CPED1: variants seen among roughly 807,000 people sequenced by gnomAD.
The protein encoded by CPED1 is cadherin-like and PC-esterase domain-containing protein 1.
A neutral mutation model predicts 128.2 loss-of-function variants in CPED1; 114 were observed. The ratio of observed to expected loss-of-function variants is 0.89; its 90% CI spans 0.76 to 1.04. The LOEUF (loss-of-function observed/expected upper bound fraction) is 1.04, where lower values mean the gene tolerates loss of function less well. CPED1 is among the 50% of genes least tolerant of loss of function. The pLI is 0.00. For missense variants in CPED1, 1,211 were observed against 1,207.1 expected (o/e 1.00, Z -0.05); for synonymous variants, 462 against 426.7 (o/e 1.08, Z -1.02).
intron 2 of CPED1, chr7:120,993,824 A>G (rs1053686276): frequency 2.3e-5 from 4 of 173,270 alleles, no homozygotes; most frequent in African/African-American, 9.6e-5. Flanking sequence ...CAAAAGGAGC[A>G]GAAAGAGCAA....
chr7:121,296,989 A>C lies in CPED1; in HGVS notation c.*1337A>C, dbSNP rs1282998355. On this transcript the variant is annotated 3_prime_UTR_variant, in exon 23 of 23. Coordinates refer to ENST00000310396, the MANE Select transcript of CPED1 (RefSeq NM_024913.5). Reference sequence around the variant, plus strand: ...TTTTGTATGAATATCCACCTCCTTTAAATACTCTATTTTTATATATATTTT... The same window carrying C: ...TTTTGTATGAATATCCACCTCCTTTCAATACTCTATTTTTATATATATTTT... The C allele has an allele frequency of 6.6e-6, 1 of 151,968 alleles. No individual in the cohort carries two copies. Among genetic ancestry groups the C allele is most frequent in the Non-Finnish European group, 1.5e-5 (1 of 67,918 alleles). The allele number at this position is 151,968 out of a possible 1,614,324, so 9.4% of individuals were successfully genotyped here. A position where few individuals can be genotyped will look rare whatever the true frequency, so the allele number is the denominator to read the frequency against.
intron 18 of CPED1, among the ~76,000 whole-genome samples, chr7:121,260,546 G>A (rs1791992061): frequency 6.6e-6 from 1 of 151,870 alleles, no homozygotes; most frequent in Admixed American, 6.6e-5. Context: ...TTCGACCTTA[G>A]GGCTCATCAG....
intron 14 of CPED1, among the ~76,000 whole-genome samples, chr7:121,139,259 AT>A (rs1410945381): frequency 1.3e-5 from 2 of 151,992 alleles, no homozygotes; most frequent in African/African-American, 2.4e-5. Context: ...CTAGTAGTTT[AT>A]TTTTTATTAA....
intron 4 of CPED1, among the ~76,000 whole-genome samples, chr7:121,060,280 G>A (rs1793624004): frequency 6.6e-6 from 1 of 152,218 alleles, no homozygotes; most frequent in East Asian, 1.9e-4. Flanking sequence ...CTTGCTCCAC[G>A]GCGCCCAGTC....
At chr7:121,157,793 G>A (rs1020127588) in intron 16 of CPED1, among the ~76,000 whole-genome samples, 1 of 152,100 alleles carries the variant, frequency 6.6e-6, no homozygotes, top group Admixed American at 6.5e-5. Context: ...CACGGTTCTT[G>A]AGTTCCTGAA....
intron 18 of CPED1, among the ~76,000 whole-genome samples, chr7:121,245,223 C>G (rs1798498254): frequency 6.6e-6 from 1 of 152,126 alleles, no homozygotes; most frequent in Non-Finnish European, 1.5e-5. Flanking sequence ...AGGGGCAGGA[C>G]AGAAAGATGG....
intron 16 of CPED1, among the ~76,000 whole-genome samples, chr7:121,199,673 C>CAA (rs1160203035): frequency 5.8e-5 from 5 of 86,944 alleles, no homozygotes; most frequent in African/African-American, 2.3e-4. Context: ...GAGACTCCAT[C>CAA]AAAAAAAAAA....
At chr7:121,140,547 G>A (rs1795877573) in intron 14 of CPED1, among the ~76,000 whole-genome samples, 1 of 151,936 alleles carries the variant, frequency 6.6e-6, no homozygotes, top group African/African-American at 2.4e-5. Context: ...TTCCCGCCTT[G>A]TGTGCCTTTA....
At chr7:121,231,752 G>A (rs1390514429) in intron 16 of CPED1, among the ~76,000 whole-genome samples, 5 of 152,012 alleles carry the variant, frequency 3.3e-5, no homozygotes, top group Admixed American at 3.3e-4. Flanking sequence ...GGAATCATGG[G>A]AATGGAAGTT....
chr7:121,027,742 GTAATAATAA>G (rs10682627), intron 3 of CPED1, among the ~76,000 whole-genome samples: 92 of 143,488 alleles, frequency 6.4e-4, no homozygotes, highest in East Asian at 5.6e-3. Context: ...ATAACCTTTA[GTAATAATAA>G]TAATAATAAT....
intron 22 of CPED1, among the ~76,000 whole-genome samples, chr7:121,282,791 T>C (rs1376651267): frequency 6.6e-6 from 1 of 152,204 alleles, no homozygotes; most frequent in Non-Finnish European, 1.5e-5. Context: ...TCTCAGACAA[T>C]GTCTTTGAAG....
intron 4 of CPED1, among the ~76,000 whole-genome samples, chr7:121,048,634 G>A (rs1272918454): frequency 6.6e-6 from 1 of 152,116 alleles, no homozygotes; most frequent in Non-Finnish European, 1.5e-5. Flanking sequence ...CTGCCTCCCA[G>A]GTTCAAGCAA....
chr7:121,203,222 A>G (rs1797440358), intron 16 of CPED1, among the ~76,000 whole-genome samples: 1 of 152,068 alleles, frequency 6.6e-6, no homozygotes, highest in Non-Finnish European at 1.5e-5. Context: ...ATACCTTCAC[A>G]GATCCCTTCT....
At chr7:121,290,238 T>C (rs1792668127) in intron 22 of CPED1, among the ~76,000 whole-genome samples, 1 of 152,236 alleles carries the variant, frequency 6.6e-6, no homozygotes, top group African/African-American at 2.4e-5. Flanking sequence ...CCCAAGTCTT[T>C]GCTATTGTGA....
intron 16 of CPED1, among the ~76,000 whole-genome samples, chr7:121,157,466 T>C (rs994408543): frequency 2.6e-5 from 4 of 152,104 alleles, no homozygotes; most frequent in African/African-American, 9.7e-5. Context: ...CAACGGGGTG[T>C]GTTTCTAGCT....
chr7:121,230,839 T>C (rs1798119777), intron 16 of CPED1, among the ~76,000 whole-genome samples: 1 of 152,072 alleles, frequency 6.6e-6, no homozygotes, highest in South Asian at 2.1e-4. Context: ...GACATGTTAT[T>C]AGTGTTCTCT....
chr7:121,074,600 G>A (rs1794077848), intron 5 of CPED1, among the ~76,000 whole-genome samples: 1 of 127,550 alleles, frequency 7.8e-6, no homozygotes, highest in Admixed American at 1.0e-4. Flanking sequence ...TCTTAATGGT[G>A]TCTGGGAACT....
chr7:121,108,434 A>G (rs1795030868), intron 7 of CPED1, among the ~76,000 whole-genome samples: 1 of 152,112 alleles, frequency 6.6e-6, no homozygotes, highest in African/African-American at 2.4e-5. Flanking sequence ...CTATTAAAGA[A>G]TGATATCCCT....
chr7:121,010,632 A>T (rs1792135208), intron 2 of CPED1, among the ~76,000 whole-genome samples: 1 of 152,180 alleles, frequency 6.6e-6, no homozygotes, highest in Admixed American at 6.5e-5. Context: ...GAACTTGCCT[A>T]TCATTAGATG....
Sources: allele counts gnomAD v4.1 joint callset (sites outside exome capture counted in the v4.1 genomes callset), GRCh38; gene constraint gnomAD v4.1.1; transcripts MANE v1.5; gene names NCBI Gene and HGNC (gene_info 2026-07-23, HGNC 2026-07-21).